HMGCL: variants seen among roughly 807,000 people sequenced by gnomAD.
HMGCL encodes the protein 3-hydroxy-3-methylglutaryl-CoA lyase, also known as hydroxymethylglutaryl-CoA lyase, mitochondrial.
HMGCL carries 26 observed loss-of-function variants against 37.3 expected under a neutral mutation model. The ratio of observed to expected loss-of-function variants is 0.70; its 90% CI spans 0.51 to 0.97. HMGCL has a LOEUF of 0.97. Among genes scored for constraint, HMGCL ranks in the 50% least tolerant of loss-of-function variants. The pLI is 0.00. For missense variants in HMGCL, 379 were observed against 398.1 expected (o/e 0.95, Z 0.41); for synonymous variants, 151 against 148.0 (o/e 1.02, Z -0.15).
chr1:23,810,143 T>C (rs1325423760), intron 6 of HMGCL: 1 of 163,700 alleles, frequency 6.1e-6, no homozygotes, highest in Non-Finnish European at 1.4e-5. Context: ...TCCACCTATC[T>C]GGATGCCACA....
intron 5 of HMGCL, among the ~76,000 whole-genome samples, chr1:23,811,198 G>A (rs1004943795): frequency 6.6e-6 from 1 of 152,200 alleles, no homozygotes; most frequent in Non-Finnish European, 1.5e-5. Context: ...ACCAAACTCA[G>A]AACAAGAGCT....
In HMGCL at chr1:23,804,535, T is replaced by C. The variant is rs772248147; in HGVS notation, c.751-10A>G. 6 of 1,613,960 alleles carry C rather than the reference T, an allele frequency of 3.7e-6. No homozygotes were observed. The highest frequency in any genetic ancestry group is 1.6e-4 in the Middle Eastern group (1 of 6,084). On this transcript the variant is annotated splice_polypyrimidine_tract_variant and intron_variant, in intron 7 of 8. Transcript: ENST00000374490. ...CGACACTCACTCCCATCTAGAAACA[T>C]AAGGATGGTGAAACACAGTTGTTGC...
chr1:23,807,933 T>A (rs559163823), intron 7 of HMGCL, among the ~76,000 whole-genome samples: 1 of 152,162 alleles, frequency 6.6e-6, no homozygotes, highest in Non-Finnish European at 1.5e-5. Context: ...TGCAGTGGGA[T>A]TGCCATGTAA....
At chr1:23,822,870 T>C (rs1318392137) in intron 1 of HMGCL, among the ~76,000 whole-genome samples, 1 of 152,188 alleles carries the variant, frequency 6.6e-6, no homozygotes, top group East Asian at 1.9e-4. Context: ...TGAGTGTTGC[T>C]GAAATAATCT....
chr1:23,815,371 C>A (rs1249001333), intron 4 of HMGCL, among the ~76,000 whole-genome samples: 3 of 152,058 alleles, frequency 2.0e-5, no homozygotes, highest in Non-Finnish European at 2.9e-5. Context: ...GACAGATTCT[C>A]CCAGAGGCCT....
intron 5 of HMGCL, among the ~76,000 whole-genome samples, chr1:23,812,153 T>G (rs1218350226): frequency 6.6e-6 from 1 of 151,628 alleles, no homozygotes; most frequent in African/African-American, 2.4e-5. Flanking sequence ...CCTCATGGAG[T>G]GCACGGTCTA....
At chr1:23,807,007 C>T (rs144175341) in intron 7 of HMGCL, 2 of 518,990 alleles carry the variant, frequency 3.9e-6, no homozygotes, top group African/African-American at 3.8e-5. Context: ...TCAGAGGAAG[C>T]TACTGCCAGA....
rs2473376 is a variant in HMGCL at position 23,812,794 on chromosome 1, G to A, written c.497+1396C>T. Among the ~76,000 whole-genome samples, 1,016 of 152,342 alleles carry A rather than the reference G, an allele frequency of 6.7e-3. 13 individuals are homozygous for A. The highest frequency in any genetic ancestry group is 0.023 in the African/African-American group (966 of 41,574). On this transcript the variant is annotated intron_variant, in intron 5 of 8. Coordinates refer to ENST00000374490, the MANE Select transcript of HMGCL (RefSeq NM_000191.3). ...AAAAGAGCCGGGACCAAATCATGCA[G>A]GGTTTGTAAACCTCATTAAAAAGTC...
At chr1:23,816,190 G>C (rs955663372) in intron 4 of HMGCL, among the ~76,000 whole-genome samples, 1 of 151,128 alleles carries the variant, frequency 6.6e-6, no homozygotes, top group Admixed American at 6.6e-5. Flanking sequence ...CTCCCAAAGT[G>C]CTGGGATTAT....
chr1:23,807,697 A>G (rs1413350341), intron 7 of HMGCL, among the ~76,000 whole-genome samples: 1 of 152,098 alleles, frequency 6.6e-6, no homozygotes, highest in Non-Finnish European at 1.5e-5. Context: ...ACACCCGCAC[A>G]CTGAAAACCC....
intron 1 of HMGCL, among the ~76,000 whole-genome samples, chr1:23,821,961 T>C (rs1370907290): frequency 6.6e-6 from 1 of 152,186 alleles, no homozygotes; most frequent in Non-Finnish European, 1.5e-5. Context: ...CCCATTATTT[T>C]CGCTATTGCA....
Position 23,810,808 on chromosome 1 carries a change from A to G in HMGCL, c.498-9T>C. On this transcript the variant is annotated splice_polypyrimidine_tract_variant and intron_variant, in intron 5 of 8. Coordinates refer to ENST00000374490, the MANE Select transcript of HMGCL (RefSeq NM_000191.3). ...GAGCACAGGAGACGTACCTGTGGGAAGACAGGGGAGGAATGAGGTCAGTGT... is the reference window on the plus strand; with the variant it reads ...GAGCACAGGAGACGTACCTGTGGGAGGACAGGGGAGGAATGAGGTCAGTGT... 6.2e-7 allele frequency: 1 copy of G among 1,612,542 alleles called. No individual in the cohort carries two copies. The highest frequency in any genetic ancestry group is 8.5e-7 in the Non-Finnish European group (1 of 1,178,658).
chr1:23,810,524 C>T, intron 6 of HMGCL: 3 of 565,768 alleles, frequency 5.3e-6, no homozygotes, highest in Non-Finnish European at 9.8e-6. Context: ...GGATAGAGGC[C>T]AGGGGCTTCA....
rs547446935 is a variant in HMGCL, at chr1:23,809,095, G to A, written c.562-772C>T. ...TATTTTTTGTATTTTTAGTAGAGAC[G>A]GAGTTTCACCATGTTGGCCAGGCTG... On this transcript the variant is annotated intron_variant, in intron 6 of 8. Transcript: ENST00000374490. Among the ~76,000 whole-genome samples, 32 of 150,650 alleles carry A rather than the reference G, an allele frequency of 2.1e-4. No homozygotes were observed. In the East Asian group the frequency reaches 5.1e-3, roughly 24 times the overall value.
chr1:23,812,244 G>C (rs1431988715), intron 5 of HMGCL, among the ~76,000 whole-genome samples: 1 of 152,236 alleles, frequency 6.6e-6, no homozygotes, highest in Non-Finnish European at 1.5e-5. Context: ...GGGTCCCAGA[G>C]AAGGGCACTA....
chr1:23,821,066 C>G (rs1638710037), intron 1 of HMGCL, among the ~76,000 whole-genome samples: 1 of 152,162 alleles, frequency 6.6e-6, no homozygotes, highest in Non-Finnish European at 1.5e-5. Flanking sequence ...TTTAAAAAGG[C>G]CAGGTATTGC....
chr1:23,807,712 T>A (rs1348192341), intron 7 of HMGCL, among the ~76,000 whole-genome samples: 2 of 152,190 alleles, frequency 1.3e-5, no homozygotes, highest in Non-Finnish European at 2.9e-5. Flanking sequence ...AAACCCTGTA[T>A]ATTGTATGAG....
Position 23,814,296 on chromosome 1 carries a change from A to C in HMGCL, c.391T>G (p.Ser131Ala). ...AKEVVIFGAA[S>A]ELFTKKNINC... The stretch of plus-strand genomic sequence containing the variant: ...ATGTTCTTCTTGGTGAAGAGCTCTG[A>C]GGCAGCTCCAAAGATGACTACTTCC... The change falls in exon 5 of 9, where the codon TCA becomes GCA. Residue 131 changes from serine to alanine, a missense_variant. Ser to Ala is a moderately conservative substitution (Grantham distance 99, BLOSUM62 1). Transcript: ENST00000374490. The C allele has an allele frequency of 6.2e-7, 1 of 1,613,878 alleles. No individual in the cohort carries two copies. The highest frequency in any genetic ancestry group is 8.5e-7 in the Non-Finnish European group (1 of 1,179,970).
chr1:23,805,828 C>T (rs916082112), intron 7 of HMGCL, among the ~76,000 whole-genome samples: 2 of 152,216 alleles, frequency 1.3e-5, no homozygotes, highest in Admixed American at 1.3e-4. Flanking sequence ...CTGCTGAGAT[C>T]CGGTCACGCA....
Sources: gnomAD v4.1 joint callset for allele counts (sites outside exome capture counted in the v4.1 genomes callset) on GRCh38, gnomAD v4.1.1 for gene constraint, MANE v1.5 for transcripts, NCBI Gene and HGNC (gene_info 2026-07-23, HGNC 2026-07-21) for gene names.